The following UGT2B17 variants were observed in gnomAD, a reference collection of about 807,000 sequenced individuals.
The protein encoded by UGT2B17 is UDP glucuronosyltransferase family 2 member B17, also known as UDP-glucuronosyltransferase 2B17.
In UGT2B17, 21 loss-of-function variants were observed where a neutral mutation model predicts 48.2. That is an observed-to-expected ratio of 0.44 (90% CI 0.31 to 0.63). The LOEUF (loss-of-function observed/expected upper bound fraction) is 0.63. UGT2B17 is among the 20% of genes least tolerant of loss of function. The probability of loss-of-function intolerance (pLI) is 0.08; values close to 1 mark genes in which losing one functional copy is unlikely to be tolerated. For synonymous variants in UGT2B17, 146 were observed against 238.4 expected, an observed-to-expected ratio of 0.61 and a Z score of 3.57; for missense variants, 402 against 696.1, an observed-to-expected ratio of 0.58 and a Z score of 4.75.
rs1578173012 is a variant in UGT2B17 at position 68,568,022 on chromosome 4, T to C, written c.463A>G (p.Asn155Asp). Residue 155 changes from asparagine (N) to aspartate (D), a missense_variant, in exon 2 of 7, where the codon AAT (asparagine) becomes GAT (aspartate). Asn to Asp is a conservative substitution (Grantham distance 23, BLOSUM62 1). Around this residue, in one of 5 missense-constraint regions of UGT2B17, gnomAD observed 84 missense variants for 92.6 expected, o/e 0.91. Transcript: ENST00000317746. ...TCAGCCAGCAGCTCACCACAGGGAT[T>C]AACGGCATCTGCCAGAAGGACATCA... ...KFDVLLADAV[N>D]PCGELLAELL... The C allele has an allele frequency of 3.6e-6, 5 of 1,382,566 alleles. 2 individuals are homozygous for C. Among genetic ancestry groups the C allele is most frequent in the Non-Finnish European group, 4.7e-6 (5 of 1,055,440 alleles). The allele number at this position is 1,382,566 out of a possible 1,614,324, so 85.6% of individuals were successfully genotyped here. A position where few individuals can be genotyped will look rare whatever the true frequency, so the allele number is the denominator to read the frequency against.
At chr4:68,555,338 A>G (rs1158933746) in intron 4 of UGT2B17, among the ~76,000 whole-genome samples, 2 of 126,694 alleles carry the variant, frequency 1.6e-5, no homozygotes, top group African/African-American at 5.4e-5. Context: ...GCAAATAGCT[A>G]CACCTTGAAT....
Position 68,575,444 on chromosome 4 carries a change from T to A in UGT2B17, c.-65+507A>T, listed in dbSNP as rs913390896. 3.2e-5 allele frequency among the ~76,000 whole-genome samples: 4 copies of A among 124,800 alleles called. 1 individual carries two copies. The highest frequency in any genetic ancestry group is 1.6e-4 in the Admixed American group (2 of 12,124). 81.9% of individuals were successfully genotyped at this position (124,800 alleles called of 152,430 possible). ...CTGGCCAATCTATTTCACACAAAGTTCTAAGTTTTCCTGGAGTCATAGTGA... is the reference window on the plus strand; with the variant it reads ...CTGGCCAATCTATTTCACACAAAGTACTAAGTTTTCCTGGAGTCATAGTGA... On this transcript the variant is annotated intron_variant, in intron 1 of 6. Coordinates refer to ENST00000317746, the MANE Select transcript of UGT2B17 (RefSeq NM_001077.4).
At chr4:68,572,602 A>G (rs1239037090) in intron 1 of UGT2B17, among the ~76,000 whole-genome samples, 2 of 126,696 alleles carry the variant, frequency 1.6e-5, no homozygotes, top group Non-Finnish European at 3.3e-5. Context: ...ATGGAAGGCA[A>G]TTAGCTCTTT....
rs570430320 is a variant in UGT2B17, at chr4:68,557,451, C to T, written c.1005+3086G>A. ...TATCAAGCAGAACAGGAATTAACTACATGGACTGAAATAATAGAAAACTAA... is the reference window on the plus strand; with the variant it reads ...TATCAAGCAGAACAGGAATTAACTATATGGACTGAAATAATAGAAAACTAA... On this transcript the variant is annotated intron_variant, in intron 4 of 6. Transcript: ENST00000317746. Among the ~76,000 whole-genome samples the T allele has an allele frequency of 1.6e-5, 2 of 124,444 alleles. 1 individual carries two copies. Among genetic ancestry groups the T allele is most frequent in the Non-Finnish European group, 3.4e-5 (2 of 58,954 alleles). 81.6% of individuals were successfully genotyped at this position (124,444 alleles called of 152,430 possible).
chr4:68,569,477 C>A (rs969120248), intron 1 of UGT2B17, among the ~76,000 whole-genome samples: 6 of 125,514 alleles, frequency 4.8e-5, no homozygotes, highest in Admixed American at 2.4e-4. Context: ...TCTCTGGATA[C>A]CCAAGCAGCT....
In UGT2B17 at chr4:68,575,950, C is replaced by G. The variant is rs1731367339; in HGVS notation, c.-65+1G>C. ...GGACAAGTTCAAAAGACTAGTCTTA[C>G]CAAGTTCCAGATGTCCAGACTCCAA... On this transcript the variant is annotated splice_donor_variant, in intron 1 of 6. Coordinates refer to ENST00000317746, the MANE Select transcript of UGT2B17 (RefSeq NM_001077.4). LOFTEE classifies it low-confidence loss of function (5UTR_SPLICE). 7.9e-6 allele frequency among the ~76,000 whole-genome samples: 1 copy of G among 126,682 alleles called. No individual in the cohort carries two copies. Among genetic ancestry groups the G allele is most frequent in the African/African-American group, 2.7e-5 (1 of 36,932 alleles). The allele number at this position is 126,682 out of a possible 152,430, so 83.1% of individuals were successfully genotyped here.
chr4:68,544,649 C>A (rs1194390087), intron 6 of UGT2B17, among the ~76,000 whole-genome samples: 2 of 125,798 alleles, frequency 1.6e-5, no homozygotes, highest in Non-Finnish European at 3.4e-5. Flanking sequence ...CACAGACTGG[C>A]AAACTGGATC....
At chr4:68,561,482 TG>T (rs1731102432) in intron 3 of UGT2B17, among the ~76,000 whole-genome samples, 1 of 124,536 alleles carries the variant, frequency 8.0e-6, no homozygotes, top group African/African-American at 2.7e-5. Flanking sequence ...TGATACCTTT[TG>T]TCCTGAAATC....
chr4:68,554,278 AG>A lies in UGT2B17; in HGVS notation c.1006-2368del, dbSNP rs1441762131. On this transcript the variant is annotated intron_variant, in intron 4 of 6. Transcript: ENST00000317746. ...CAAATAATCTAAGAATGATGAGAAA[AG>A]AAGAAGAATGATCCCCTGATATCGC... Among the ~76,000 whole-genome samples, 5 of 123,782 alleles carry A rather than the reference AG, an allele frequency of 4.0e-5. 1 individual carries two copies. The highest frequency in any genetic ancestry group is 1.4e-4 in the African/African-American group (5 of 36,296). 81.2% of individuals were successfully genotyped at this position (123,782 alleles called of 152,430 possible). A position where few individuals can be genotyped will look rare whatever the true frequency, so the allele number is the denominator to read the frequency against.
intron 6 of UGT2B17, among the ~76,000 whole-genome samples, chr4:68,542,955 G>T (rs1448075577): frequency 7.9e-6 from 1 of 126,502 alleles, no homozygotes; most frequent in Non-Finnish European, 1.7e-5. Context: ...AGCTTGAACT[G>T]GGTGGAGCCC....
chr4:68,573,119 T>G (rs1436890819), intron 1 of UGT2B17, among the ~76,000 whole-genome samples: 1 of 127,626 alleles, frequency 7.8e-6, no homozygotes, highest in Admixed American at 7.9e-5. Flanking sequence ...GGAGACTTTA[T>G]GTTTAGGTTT....
rs1730601742 is a variant in UGT2B17 at position 68,538,787 on chromosome 4, A to G, written c.1314-883T>C. Among the ~76,000 whole-genome samples, 3 of 125,108 alleles carry G rather than the reference A, an allele frequency of 2.4e-5. 1 individual carries two copies. Among genetic ancestry groups the G allele is most frequent in the Middle Eastern group, 8.1e-3 (2 of 248 alleles). 82.1% of individuals were successfully genotyped at this position (125,108 alleles called of 152,430 possible). On this transcript the variant is annotated intron_variant, in intron 6 of 6. Transcript: ENST00000317746. Reference sequence around the variant, plus strand: ...GCTACACAGACACCTACTTGTCCTAACCCTTTCCCCCTGTACACTTTCTTC... The same window carrying G: ...GCTACACAGACACCTACTTGTCCTAGCCCTTTCCCCCTGTACACTTTCTTC...
Position 68,556,160 on chromosome 4 carries a change from G to A in UGT2B17, c.1006-4249C>T, listed in dbSNP as rs1347260418. 1.6e-5 allele frequency among the ~76,000 whole-genome samples: 2 copies of A among 123,752 alleles called. 1 individual carries two copies. The highest frequency in any genetic ancestry group is 3.4e-5 in the Non-Finnish European group (2 of 58,526). The allele number at this position is 123,752 out of a possible 152,430, so 81.2% of individuals were successfully genotyped here. On this transcript the variant is annotated intron_variant, in intron 4 of 6. Coordinates refer to ENST00000317746, the MANE Select transcript of UGT2B17 (RefSeq NM_001077.4). ...ATAATTAAAGGGAAATTATAATGGT[G>A]TTTCTACAGATTGGGCTTGATGTAA...
intron 4 of UGT2B17, among the ~76,000 whole-genome samples, chr4:68,560,113 A>C (rs186888394): frequency 3.7e-5 from 4 of 108,598 alleles, no homozygotes; most frequent in Non-Finnish European, 8.1e-5. Flanking sequence ...AAGTTTTTTC[A>C]ATACCTGCTT....
chr4:68,548,700 C>T lies in UGT2B17; in HGVS notation c.1313+1977G>A, dbSNP rs1476234335. On this transcript the variant is annotated intron_variant, in intron 6 of 6. Coordinates refer to ENST00000317746, the MANE Select transcript of UGT2B17 (RefSeq NM_001077.4). ...TCCTTCAGCAGGGTTTTCTATTTCT[C>T]CTTGAAGAGGTCCTTCACGTACCTT... Among the ~76,000 whole-genome samples, 3 of 125,270 alleles carry T rather than the reference C, an allele frequency of 2.4e-5. 1 individual carries two copies. The highest frequency in any genetic ancestry group is 8.2e-5 in the African/African-American group (3 of 36,742). 82.2% of individuals were successfully genotyped at this position (125,270 alleles called of 152,430 possible).
rs1362562601 is a variant in UGT2B17, at chr4:68,563,078, C to A, written c.874-2410G>T. 1.6e-5 allele frequency among the ~76,000 whole-genome samples: 2 copies of A among 126,698 alleles called. 1 individual carries two copies. Among genetic ancestry groups the A allele is most frequent in the African/African-American group, 5.4e-5 (2 of 37,042 alleles). The allele number at this position is 126,698 out of a possible 152,430, so 83.1% of individuals were successfully genotyped here. On this transcript the variant is annotated intron_variant, in intron 3 of 6. Coordinates refer to ENST00000317746, the MANE Select transcript of UGT2B17 (RefSeq NM_001077.4). ...TTGAATCTTACCATCATGATTTATT[C>A]TCTGTACAGTTTCATGTGAATATAT...
rs776130449 is a variant in UGT2B17 at position 68,538,073 on chromosome 4, T to A, written c.1314-169A>T. 7.9e-5 allele frequency among the ~76,000 whole-genome samples: 10 copies of A among 126,360 alleles called. 3 individuals carry two copies. Among genetic ancestry groups the A allele is most frequent in the Non-Finnish European group, 1.3e-4 (8 of 59,678 alleles). 82.9% of individuals were successfully genotyped at this position (126,360 alleles called of 152,430 possible). A position where few individuals can be genotyped will look rare whatever the true frequency, so the allele number is the denominator to read the frequency against. ...TGTATGTCATTACAGAAAGTTTGGT[T>A]TTTAAATTGGAGTTTTATCACTGAC... On this transcript the variant is annotated intron_variant, in intron 6 of 6. Coordinates refer to ENST00000317746, the MANE Select transcript of UGT2B17 (RefSeq NM_001077.4).
At chr4:68,564,755 C>G (rs1349577207) in intron 3 of UGT2B17, among the ~76,000 whole-genome samples, 3 of 125,806 alleles carry the variant, frequency 2.4e-5, no homozygotes, top group Middle Eastern at 7.2e-3. Flanking sequence ...GGCTAGAGTT[C>G]AGTGGTGTGG....
intron 1 of UGT2B17, among the ~76,000 whole-genome samples, 169 bp downstream of exon 1, chr4:68,575,782 G>C (rs1177637152): frequency 7.9e-6 from 1 of 125,838 alleles, no homozygotes; most frequent in Non-Finnish European, 1.7e-5. Context: ...GGGTGATCAG[G>C]CTATGCTACA....
Sources: gnomAD v4.1 joint callset for allele counts (sites outside exome capture counted in the v4.1 genomes callset) on GRCh38, gnomAD v4.1.1 for gene constraint, gnomAD v4.1.1 regional missense constraint, MANE v1.5 for transcripts, NCBI Gene and HGNC (gene_info 2026-07-23, HGNC 2026-07-21) for gene names.